The following LDAF1 variants were observed in gnomAD, a reference collection of about 807,000 sequenced individuals.
LDAF1 encodes the protein PROMETHIN.
In LDAF1, 7 loss-of-function variants were observed where a neutral mutation model predicts 13.5. The ratio of observed to expected loss-of-function variants is 0.52; its 90% CI spans 0.29 to 0.97. The LOEUF is 0.97. Among genes scored for constraint, LDAF1 ranks in the 50% least tolerant of loss-of-function variants. The pLI is 0.07. For synonymous variants in LDAF1, 69 were observed against 77.1 expected (o/e 0.89, Z 0.55); for missense variants, 148 against 193.2 (o/e 0.77, Z 1.39).
At chr16:21,167,674 C>G (rs1315271326) in intron 2 of LDAF1, among the ~76,000 whole-genome samples, 1 of 116,302 alleles carries the variant, frequency 8.6e-6, no homozygotes. Flanking sequence ...ATTGGACATT[C>G]TGAGTCCAAG....
chr16:21,171,320 C>G (rs2093086340), intron 3 of LDAF1, among the ~76,000 whole-genome samples: 1 of 152,194 alleles, frequency 6.6e-6, no homozygotes, highest in Non-Finnish European at 1.5e-5. Context: ...GAGATGGTGG[C>G]CAGTGGGTCA....
intron 4 of LDAF1, among the ~76,000 whole-genome samples, chr16:21,174,526 A>G (rs1487755280): frequency 6.6e-6 from 1 of 152,002 alleles, no homozygotes; most frequent in Non-Finnish European, 1.5e-5. Flanking sequence ...ACTTGAGGGG[A>G]TTTTCACAAA....
intron 4 of LDAF1, among the ~76,000 whole-genome samples, chr16:21,174,635 C>G (rs1207911730): frequency 6.6e-6 from 1 of 152,164 alleles, no homozygotes; most frequent in African/African-American, 2.4e-5. Flanking sequence ...GGGAATTTAC[C>G]ATGGAATTTT....
At chr16:21,166,360 A>G (rs2093023998) in intron 2 of LDAF1, among the ~76,000 whole-genome samples, 1 of 152,214 alleles carries the variant, frequency 6.6e-6, no homozygotes, top group Non-Finnish European at 1.5e-5. Context: ...CTTACAATTC[A>G]GCGAAATAGA....
rs778992036 is a variant in LDAF1 at position 21,167,696 on chromosome 16, GTT to G, written c.97-2729_97-2728del. Among the ~76,000 whole-genome samples, 29 of 89,100 alleles carry G rather than the reference GTT, an allele frequency of 3.3e-4. 3 individuals are homozygous for G. Among genetic ancestry groups the G allele is most frequent in the South Asian group, 1.4e-3 (3 of 2,130 alleles). The allele number at this position is 89,100 out of a possible 152,430, so 58.5% of individuals were successfully genotyped here. On this transcript the variant is annotated intron_variant, in intron 2 of 4. Transcript: ENST00000233047. The stretch of plus-strand genomic sequence containing the variant: ...ATTCTGAGTCCAAGACCTTAGGTTT[GTT>G]TTTTTTTTTTTGAAAAGGAGACTTG...
chr16:21,170,193 G>T, intron 2 of LDAF1: 1 of 400,992 alleles, frequency 2.5e-6, no homozygotes, highest in Non-Finnish European at 3.4e-6. Flanking sequence ...GTAGAGACGG[G>T]GGTTTCATCA....
chr16:21,158,890 G>A (rs1423889545), intron 1 of LDAF1, 144 bp downstream of exon 1: 1 of 174,294 alleles, frequency 5.7e-6, no homozygotes, highest in Non-Finnish European at 1.2e-5. Context: ...CTGCCCCGGG[G>A]TTAGTGTAAG....
At chr16:21,160,477 T>C (rs2092958421) in intron 1 of LDAF1, among the ~76,000 whole-genome samples, 1 of 152,084 alleles carries the variant, frequency 6.6e-6, no homozygotes, top group Non-Finnish European at 1.5e-5. Context: ...TAGATGATGA[T>C]GTATGGAATG....
At chr16:21,159,366 C>A (rs1477280453) in intron 1 of LDAF1, 4 of 1,614,148 alleles carry the variant, frequency 2.5e-6, no homozygotes, top group Non-Finnish European at 3.4e-6. Context: ...GTCTCCCTGG[C>A]TTTTGAACGC....
chr16:21,159,350 C>T (rs760594114), intron 1 of LDAF1: 1 of 1,614,172 alleles, frequency 6.2e-7, no homozygotes, highest in Non-Finnish European at 8.5e-7. Flanking sequence ...TTCCTCCTCT[C>T]CTTGGGTCTC....
chr16:21,179,506 T>TTTC lies in LDAF1; in HGVS notation c.438_440dup (p.Leu147dup). The TTTC allele has an allele frequency of 1.2e-6, 2 of 1,614,208 alleles. No homozygotes were observed. Among genetic ancestry groups the TTTC allele is most frequent in the Non-Finnish European group, 1.7e-6 (2 of 1,180,032 alleles). ...GACACAGCAAAACACCAGTTGTGAC[T>TTTC]TTCTGCCAGCCATGAAGTCTGCAGA... On this transcript the variant is annotated inframe_insertion, in exon 5 of 5. Transcript: ENST00000233047.
Position 21,166,004 on chromosome 16 carries a change from C to T in LDAF1, c.97-4433C>T, listed in dbSNP as rs553136513. Among the ~76,000 whole-genome samples, 4 of 152,076 alleles carry T rather than the reference C, an allele frequency of 2.6e-5. 1 individual carries two copies. In the East Asian group the frequency reaches 7.7e-4, roughly 29 times the overall value. On this transcript the variant is annotated intron_variant, in intron 2 of 4. Coordinates refer to ENST00000233047, the MANE Select transcript of LDAF1 (RefSeq NM_001301771.2). ...CCTCCCAAGTAGCTAGGATTACAGG[C>T]ACGCACCACTCTGCCTGACTAATTT... is the stretch of plus-strand genomic sequence containing the variant.
At chr16:21,174,278 C>T (rs758625742) in intron 4 of LDAF1, 130 bp downstream of exon 4, 13 of 811,614 alleles carry the variant, frequency 1.6e-5, no homozygotes, top group Non-Finnish European at 2.4e-5. Flanking sequence ...CAGCCTCAAC[C>T]TCCAAGGCTC....
chr16:21,159,910 A>G (rs1244307464), intron 1 of LDAF1: 9 of 985,190 alleles, frequency 9.1e-6, no homozygotes, highest in Non-Finnish European at 1.1e-5. Flanking sequence ...TCCCAAGTTC[A>G]AGACCTACGC....
chr16:21,171,892 C>T (rs1445964604), intron 3 of LDAF1, among the ~76,000 whole-genome samples: 1 of 151,936 alleles, frequency 6.6e-6, no homozygotes, highest in Non-Finnish European at 1.5e-5. Flanking sequence ...CATGCCCCAC[C>T]ATGCCCGACT....
intron 3 of LDAF1, among the ~76,000 whole-genome samples, chr16:21,172,169 C>A (rs561766772): frequency 2.6e-5 from 4 of 150,998 alleles, no homozygotes; most frequent in African/African-American, 9.7e-5. Flanking sequence ...AAAAAGAGGC[C>A]GGACACAGTG....
rs79452376 is a variant in LDAF1, at chr16:21,166,756, G to C, written c.97-3681G>C. The C allele has an allele frequency of 8.3e-5, 97 of 1,165,886 alleles. No individual in the cohort carries two copies. In the East Asian group the frequency reaches 1.8e-3, roughly 22 times the overall value. 72.2% of individuals were successfully genotyped at this position (1,165,886 alleles called of 1,614,324 possible). On this transcript the variant is annotated intron_variant, in intron 2 of 4. Coordinates refer to ENST00000233047, the MANE Select transcript of LDAF1 (RefSeq NM_001301771.2). ...GCATGTGGATTCGAACTGGAAAGAA[G>C]TCAGGACCTGAGACAGCGCAAGGGA...
In LDAF1 at chr16:21,179,524, T is replaced by TAG; in HGVS notation, c.454_455insAG (p.Ser152Ter). The TAG allele has an allele frequency of 1.2e-6, 2 of 1,614,168 alleles. No homozygotes were observed. Among genetic ancestry groups the TAG allele is most frequent in the Non-Finnish European group, 1.7e-6 (2 of 1,180,028 alleles). Residue 152 changes from serine to a stop codon, truncating the protein, a stop_gained and frameshift_variant, in exon 5 of 5, where the codon TCT becomes TAGCT. Transcript: ENST00000233047. LOFTEE classifies it high-confidence loss of function. ...TSCDFLPAMK[S>*]AEFEGLYQE ...TTGTGACTTTCTGCCAGCCATGAAGTCTGCAGAATTCGAGGGGCTTTACCA... is the reference window on the plus strand; with the variant it reads ...TTGTGACTTTCTGCCAGCCATGAAGTAGCTGCAGAATTCGAGGGGCTTTACCA...
intron 3 of LDAF1, among the ~76,000 whole-genome samples, 172 bp from the exon 4 acceptor site, chr16:21,173,838 C>T (rs899693702): frequency 6.6e-6 from 1 of 152,164 alleles, no homozygotes; most frequent in Non-Finnish European, 1.5e-5. Flanking sequence ...CACTCAGGTA[C>T]CCATATCGCC....
Sources: gnomAD v4.1 joint callset for allele counts (sites outside exome capture counted in the v4.1 genomes callset) on GRCh38, gnomAD v4.1.1 for gene constraint, MANE v1.5 for transcripts, NCBI Gene and HGNC (gene_info 2026-07-23, HGNC 2026-07-21) for gene names.